NDUFB6: variants seen among roughly 807,000 people sequenced by gnomAD.
NDUFB6 encodes the protein NADH:ubiquinone oxidoreductase subunit B6, also known as NADH dehydrogenase [ubiquinone] 1 beta subcomplex subunit 6.
Under a neutral mutation model 17.5 loss-of-function variants are expected in NDUFB6, and 23 were observed. That is an observed-to-expected ratio of 1.31 (90% confidence interval 0.94 to 1.86). The LOEUF is 1.86. NDUFB6 is among the 40% of genes most tolerant of loss of function. The pLI is 0.00. For synonymous variants in NDUFB6, 60 were observed against 53.5 expected (o/e 1.12, Z -0.53); for missense variants, 167 against 153.8 (o/e 1.09, Z -0.46).
intron 2 of NDUFB6, among the ~76,000 whole-genome samples, chr9:32,564,506 TAC>T (rs1300391841): frequency 1.0e-4 from 10 of 98,052 alleles, no homozygotes; most frequent in Non-Finnish European, 1.8e-4. Context: ...ATTCAAATAT[TAC>T]ACTTTTTTAA....
intron 2 of NDUFB6, chr9:32,566,938 C>T (rs926785189): frequency 7.6e-6 from 4 of 527,830 alleles, no homozygotes; most frequent in South Asian, 1.8e-5. Flanking sequence ...CCAGGCCTGG[C>T]GTGAGGTGAG....
At chr9:32,554,773 T>C (rs549038286) in intron 3 of NDUFB6, among the ~76,000 whole-genome samples, 17 of 152,334 alleles carry the variant, frequency 1.1e-4, no homozygotes, top group African/African-American at 4.1e-4. Context: ...AATGCTGCTG[T>C]AATAAAAATC....
chr9:32,570,951 C>A lies in NDUFB6; in HGVS notation c.273+9G>T, dbSNP rs1281382543. ...TATTAAAAATGAATTCTGAAAAGGACATACTTACAGAAACATGATACTTCA... is the reference window on the plus strand; with the variant it reads ...TATTAAAAATGAATTCTGAAAAGGAAATACTTACAGAAACATGATACTTCA... On this transcript the variant is annotated intron_variant, in intron 2 of 3. Transcript: ENST00000379847. 6.5e-7 allele frequency: 1 copy of A among 1,537,210 alleles called. No individual in the cohort carries two copies. The highest frequency in any genetic ancestry group is 8.9e-7 in the Non-Finnish European group (1 of 1,122,322).
intron 2 of NDUFB6, chr9:32,568,354 G>C: frequency 8.8e-6 from 2 of 227,380 alleles, no homozygotes; most frequent in Non-Finnish European, 1.9e-5. Flanking sequence ...GATAAAGCTT[G>C]ATAGATGAGA....
At chr9:32,557,348 T>A (rs1821492764) in intron 3 of NDUFB6, among the ~76,000 whole-genome samples, 1 of 145,812 alleles carries the variant, frequency 6.9e-6, no homozygotes, top group East Asian at 2.0e-4. Flanking sequence ...ATTTTTTTTT[T>A]AGTACAGATG....
At chr9:32,553,977 T>C (rs749153585) in intron 3 of NDUFB6, 33 bp from the exon 4 acceptor site, 1 of 1,395,030 alleles carries the variant, frequency 7.2e-7, no homozygotes, top group Admixed American at 1.8e-5. Context: ...AGTACAAAAA[T>C]CTTAAGTCTA....
chr9:32,558,834 A>G, intron 3 of NDUFB6, 76 bp downstream of exon 3: 2 of 1,034,984 alleles, frequency 1.9e-6, no homozygotes, highest in East Asian at 2.5e-5. Context: ...TTTTAATCTA[A>G]TAATTGCTTG....
At chr9:32,572,814 G>A in intron 1 of NDUFB6, 67 bp downstream of exon 1, 1 of 1,403,580 alleles carries the variant, frequency 7.1e-7, no homozygotes, top group Non-Finnish European at 9.5e-7. Context: ...GGGAGCGGAC[G>A]TTCAGTGTTC....
chr9:32,568,650 A>ATATATATGTATATATGTACATATACT (rs1425649089), intron 2 of NDUFB6: 74 of 166,822 alleles, frequency 4.4e-4, no homozygotes, highest in African/African-American at 1.5e-3. Context: ...ATATACATAT[A>ATATATATGTATATATGTACATATACT]TATATATGTA....
At position 32,553,655 on chromosome 9, in the gene NDUFB6, A is replaced by G; in HGVS notation, c.*221T>C. 4 of 503,074 alleles carry G rather than the reference A, an allele frequency of 8.0e-6. No individual in the cohort carries two copies. The highest frequency in any genetic ancestry group is 1.4e-5 in the Non-Finnish European group (4 of 282,482). The allele number at this position is 503,074 out of a possible 1,614,324, so 31.2% of individuals were successfully genotyped here. On this transcript the variant is annotated 3_prime_UTR_variant, in exon 4 of 4. Transcript: ENST00000379847. ...CTTTTCCATACCGTTTTCCAAGTCA[A>G]GAATGACCAGAAAAAGTAGGTAGTC...
chr9:32,569,732 G>A (rs190423094), intron 2 of NDUFB6, among the ~76,000 whole-genome samples: 12 of 151,804 alleles, frequency 7.9e-5, no homozygotes, highest in East Asian at 7.8e-4. Flanking sequence ...TGCCCAAGCC[G>A]GTCGAACTTC....
At chr9:32,557,615 G>T (rs768643842) in intron 3 of NDUFB6, among the ~76,000 whole-genome samples, 1 of 151,422 alleles carries the variant, frequency 6.6e-6, no homozygotes, top group Non-Finnish European at 1.5e-5. Flanking sequence ...CAGTAGCTGG[G>T]ATTACAGGTG....
At chr9:32,560,862 GA>G (rs1428884678) in intron 2 of NDUFB6, among the ~76,000 whole-genome samples, 1 of 151,918 alleles carries the variant, frequency 6.6e-6, no homozygotes, top group Non-Finnish European at 1.5e-5. Flanking sequence ...AAAGAATTAG[GA>G]AAAAAATATG....
At chr9:32,554,332 A>G (rs898083151) in intron 3 of NDUFB6, among the ~76,000 whole-genome samples, 3 of 152,226 alleles carry the variant, frequency 2.0e-5, no homozygotes, top group Admixed American at 1.3e-4. Context: ...TGTGTTACGC[A>G]ATCACCAGTT....
At chr9:32,557,325 G>A (rs1028260832) in intron 3 of NDUFB6, among the ~76,000 whole-genome samples, 8 of 113,634 alleles carry the variant, frequency 7.0e-5, no homozygotes. Flanking sequence ...CACCACACCT[G>A]GCTAATTTTT....
chr9:32,554,271 G>A (rs1271954168), intron 3 of NDUFB6, among the ~76,000 whole-genome samples: 1 of 152,180 alleles, frequency 6.6e-6, no homozygotes, highest in Non-Finnish European at 1.5e-5. Context: ...GAAGTTGCAA[G>A]GAAACATCTG....
intron 2 of NDUFB6, chr9:32,567,088 C>A (rs891566380): frequency 2.1e-6 from 1 of 486,696 alleles, no homozygotes; most frequent in Admixed American, 2.3e-5. Flanking sequence ...TCGGGCTGCA[C>A]AGGGCCCGCA....
chr9:32,566,906 C>T (rs183469523), intron 2 of NDUFB6: 6 of 556,456 alleles, frequency 1.1e-5, no homozygotes, highest in Middle Eastern at 4.8e-4. Context: ...AGGAAGCACC[C>T]GATGTCACTC....
At chr9:32,559,732 T>C (rs1201234717) in intron 2 of NDUFB6, among the ~76,000 whole-genome samples, 1 of 152,198 alleles carries the variant, frequency 6.6e-6, no homozygotes, top group Non-Finnish European at 1.5e-5. Flanking sequence ...CTCTAGTTTT[T>C]ACCCTGCTTA....
Sources: gnomAD v4.1 joint callset for allele counts (sites outside exome capture counted in the v4.1 genomes callset) on GRCh38, gnomAD v4.1.1 for gene constraint, MANE v1.5 for transcripts, NCBI Gene and HGNC (gene_info 2026-07-23, HGNC 2026-07-21) for gene names.